AMMECR1: variants seen among roughly 807,000 people sequenced by gnomAD.
AMMECR1 encodes the protein nuclear protein AMMECR1.
Under a neutral mutation model 22.5 loss-of-function variants are expected in AMMECR1, and 3 were observed. That is an observed-to-expected ratio of 0.13 (90% CI 0.06 to 0.35). The LOEUF is 0.35. Among genes scored for constraint, AMMECR1 ranks in the 10% least tolerant of loss-of-function variants. The probability of loss-of-function intolerance (pLI) is 1.00; values close to 1 mark genes in which losing one functional copy is unlikely to be tolerated. For missense variants in AMMECR1, 235 were observed against 278.7 expected, an observed-to-expected ratio of 0.84 and a Z score of 1.12; for synonymous variants, 130 against 116.7, an observed-to-expected ratio of 1.11 and a Z score of -0.74.
chrX:110,243,142 A>G (rs1033529256), intron 2 of AMMECR1, among the ~76,000 whole-genome samples: 1 of 112,087 alleles, frequency 8.9e-6, no homozygotes, highest in African/African-American at 3.2e-5. Context: ...AAACTGAGTG[A>G]TCCCAGAAGA....
chrX:110,222,810 A>G (rs1436958205), intron 2 of AMMECR1, among the ~76,000 whole-genome samples: 1 of 110,615 alleles, frequency 9.0e-6, no homozygotes, highest in Non-Finnish European at 1.9e-5. Flanking sequence ...GAAAAGTAAG[A>G]GAGAGGAGAG....
intron 1 of AMMECR1, among the ~76,000 whole-genome samples, chrX:110,264,926 T>G (rs1026146159): frequency 1.8e-5 from 2 of 111,804 alleles, no homozygotes; most frequent in Admixed American, 1.9e-4. Flanking sequence ...TGATACATAA[T>G]GAAGCAGGCA....
chrX:110,364,895 T>C (rs1017995627), intron 2 of AMMECR1, among the ~76,000 whole-genome samples: 1 of 112,322 alleles, frequency 8.9e-6, no homozygotes, highest in Non-Finnish European at 1.9e-5. Context: ...GTGCCAACTA[T>C]ATTTGTTCCT....
At chrX:110,232,747 G>A (rs1464634857) in intron 2 of AMMECR1, among the ~76,000 whole-genome samples, 1 of 108,176 alleles carries the variant, frequency 9.2e-6, no homozygotes, top group Admixed American at 9.9e-5. Flanking sequence ...AAAATTAGCC[G>A]GGCATGGTGG....
Position 110,249,950 on chromosome X carries a change from G to A in AMMECR1, c.584+14539C>T, listed in dbSNP as rs535113367. ...AGGGAAACGGAAAGGGAAAGGAAAG[G>A]AAAGGGGAAATCTAAGGTTTTGCTT... On this transcript the variant is annotated intron_variant, in intron 2 of 5. Transcript: ENST00000262844. Among the ~76,000 whole-genome samples, 5 of 111,272 alleles carry A rather than the reference G, an allele frequency of 4.5e-5. 1 individual carries two copies. In the South Asian group the frequency reaches 1.9e-3, roughly 43 times the overall value.
chrX:110,376,869 A>G (rs2068380338), intron 2 of AMMECR1, among the ~76,000 whole-genome samples: 1 of 112,062 alleles, frequency 8.9e-6, no homozygotes. Context: ...TAACTGTTGG[A>G]TGTGTTTATA....
At chrX:110,305,691 TTA>T (rs1007665050) in intron 1 of AMMECR1, among the ~76,000 whole-genome samples, 3 of 111,747 alleles carry the variant, frequency 2.7e-5, no homozygotes, top group African/African-American at 9.8e-5. Context: ...ACTGAAATGG[TTA>T]TATAGTCTAT....
chrX:110,406,718 C>T (rs557897806), intron 2 of AMMECR1, among the ~76,000 whole-genome samples: 1 of 112,322 alleles, frequency 8.9e-6, no homozygotes, highest in Middle Eastern at 4.6e-3. Context: ...TACACACCCA[C>T]CAACAGTGTA....
chrX:110,297,780 T>G (rs763393595), intron 1 of AMMECR1, among the ~76,000 whole-genome samples: 1 of 111,418 alleles, frequency 9.0e-6, no homozygotes, highest in South Asian at 3.8e-4. Flanking sequence ...TTGAAAATCA[T>G]TCTGGTATTG....
intron 2 of AMMECR1, among the ~76,000 whole-genome samples, chrX:110,353,545 CT>C: frequency 8.9e-6 from 1 of 111,780 alleles, no homozygotes; most frequent in Non-Finnish European, 1.9e-5. Context: ...TCAAAATTTC[CT>C]TTTGAAATTT....
At chrX:110,311,842 T>C (rs1003481454) in intron 1 of AMMECR1, among the ~76,000 whole-genome samples, 1 of 112,126 alleles carries the variant, frequency 8.9e-6, no homozygotes, top group Non-Finnish European at 1.9e-5. Flanking sequence ...CAACCACTGG[T>C]TTCCCACACT....
intron 2 of AMMECR1, among the ~76,000 whole-genome samples, chrX:110,423,391 GGAGAGAAGAAGAAGGAGAAGGAGAAC>G (rs1483004696): frequency 9.1e-6 from 1 of 110,218 alleles, no homozygotes; most frequent in East Asian, 2.8e-4. Flanking sequence ...AGAAGGAGAA[GGAGAGAAGAAGAAGGAGAAGGAGAAC>G]GAGAAGATGT....
intron 2 of AMMECR1, among the ~76,000 whole-genome samples, chrX:110,396,154 C>T (rs2068526983): frequency 1.8e-5 from 2 of 111,420 alleles, no homozygotes; most frequent in African/African-American, 3.3e-5. Flanking sequence ...CAGTATTAGT[C>T]ATACCTATTT....
At chrX:110,435,904 A>T (rs2068835435) in intron 1 of AMMECR1, among the ~76,000 whole-genome samples, 2 of 112,531 alleles carry the variant, frequency 1.8e-5, no homozygotes, top group South Asian at 7.4e-4. Flanking sequence ...CATGAACAGC[A>T]CTATGAGGTA....
chrX:110,325,875 ATTTC>A (rs1475858511), intron 2 of AMMECR1, among the ~76,000 whole-genome samples: 5 of 111,414 alleles, frequency 4.5e-5, no homozygotes, highest in Non-Finnish European at 9.4e-5. Context: ...GAATTGAATT[ATTTC>A]TTCTTTTTAA....
chrX:110,329,954 A>AGT (rs999064037), intron 2 of AMMECR1, among the ~76,000 whole-genome samples: 4 of 111,901 alleles, frequency 3.6e-5, no homozygotes, highest in Admixed American at 9.5e-5. Flanking sequence ...AGTCCACCAT[A>AGT]GTACCAGTAT....
intron 1 of AMMECR1, among the ~76,000 whole-genome samples, chrX:110,275,971 A>AT (rs1416640759): frequency 9.0e-6 from 1 of 110,793 alleles, no homozygotes; most frequent in African/African-American, 3.3e-5. Flanking sequence ...TATTTCTTCA[A>AT]TTTTTTTTCT....
rs764620676 is a variant in AMMECR1, at chrX:110,350,367, C to T, written c.-147-32518G>A. Among the ~76,000 whole-genome samples, 17 of 111,736 alleles carry T rather than the reference C, an allele frequency of 1.5e-4. No homozygotes were observed. In the South Asian group the frequency reaches 6.4e-3, roughly 42 times the overall value. On this transcript the variant is annotated intron_variant, in intron 2 of 7. Coordinates refer to the AMMECR1 transcript ENST00000372057. ...CATACTTAATGGTGAAAGACTAAAACTCTTCTGCTAAGATCAGAAACAAGA... is the reference window on the plus strand; with the variant it reads ...CATACTTAATGGTGAAAGACTAAAATTCTTCTGCTAAGATCAGAAACAAGA...
At chrX:110,295,312 C>T (rs1231569164) in intron 1 of AMMECR1, among the ~76,000 whole-genome samples, 1 of 111,014 alleles carries the variant, frequency 9.0e-6, no homozygotes, top group East Asian at 2.8e-4. Context: ...TCATTAAGCA[C>T]TTTGAGGAGA....
Sources: gnomAD v4.1 joint callset for allele counts (sites outside exome capture counted in the v4.1 genomes callset) on GRCh38, gnomAD v4.1.1 for gene constraint, MANE v1.5 for transcripts, NCBI Gene and HGNC (gene_info 2026-07-23, HGNC 2026-07-21) for gene names.